Variants in PKD2 observed in about 807,000 individuals in gnomAD.
PKD2 encodes the protein polycystin 2, transient receptor potential cation channel, also known as polycystin-2.
A neutral mutation model predicts 105.9 loss-of-function variants in PKD2; 48 were observed. The observed-to-expected ratio is 0.45, with a 90% CI of 0.36 to 0.58. The LOEUF (loss-of-function observed/expected upper bound fraction) is 0.58. PKD2 is among the 20% of genes least tolerant of loss of function. The pLI, the probability that PKD2 is intolerant of heterozygous loss-of-function variation, is 0.00. For missense variants in PKD2, 1,078 were observed against 1,255.3 expected (o/e 0.86, Z 2.13); for synonymous variants, 464 against 481.1 (o/e 0.96, Z 0.46).
intron 7 of PKD2, among the ~76,000 whole-genome samples, chr4:88,053,656 C>CAAAAAAAAAAAAAA (rs10717181): frequency 1.7e-5 from 2 of 117,782 alleles, no homozygotes; most frequent in African/African-American, 2.8e-5. Context: ...GACCCTGTCT[C>CAAAAAAAAAAAAAA]AAAAAAAAAA....
At chr4:88,024,587 T>G (rs991480966) in intron 2 of PKD2, among the ~76,000 whole-genome samples, 4 of 151,964 alleles carry the variant, frequency 2.6e-5, no homozygotes, top group African/African-American at 9.7e-5. Context: ...CCTTTTTCTG[T>G]GCTCTCATTC....
Position 88,065,589 on chromosome 4 carries a change from G to A in PKD2, c.2240+94G>A, listed in dbSNP as rs1720761333. On this transcript the variant is annotated intron_variant, in intron 11 of 14. Coordinates refer to ENST00000237596, the MANE Select transcript of PKD2 (RefSeq NM_000297.4). ...TATTTCTAGCCCAAGGGCTCATACA[G>A]ATACTTTTTTTTTTTTTTTCCAGAG... The A allele has an allele frequency of 2.3e-6, 3 of 1,288,626 alleles. No individual in the cohort carries two copies. In the East Asian group the frequency reaches 7.0e-5, roughly 30 times the overall value. 79.8% of individuals were successfully genotyped at this position (1,288,626 alleles called of 1,614,324 possible). A position where few individuals can be genotyped will look rare whatever the true frequency, so the allele number is the denominator to read the frequency against.
intron 9 of PKD2, among the ~76,000 whole-genome samples, chr4:88,060,583 A>G (rs1012171285): frequency 6.6e-6 from 1 of 152,112 alleles, no homozygotes; most frequent in Non-Finnish European, 1.5e-5. Flanking sequence ...AAGATTCCTC[A>G]GACTTGTGGG....
intron 1 of PKD2, among the ~76,000 whole-genome samples, chr4:88,010,094 AT>A (rs34009054): frequency 0.033 from 4,660 of 142,998 alleles, 70 homozygotes; most frequent in South Asian, 0.049. Flanking sequence ...GGAATCGGGA[AT>A]TTTTTTTTTT....
intron 13 of PKD2, among the ~76,000 whole-genome samples, chr4:88,070,597 T>TAGAGAGAGAG (rs1359028384): frequency 1.6e-3 from 159 of 99,080 alleles, no homozygotes; most frequent in Non-Finnish European, 2.2e-3. Flanking sequence ...TATATATATA[T>TAGAGAGAGAG]ATATAGAGAG....
intron 13 of PKD2, among the ~76,000 whole-genome samples, chr4:88,074,233 C>G (rs1020313597): frequency 6.6e-6 from 1 of 152,156 alleles, no homozygotes; most frequent in Non-Finnish European, 1.5e-5. Flanking sequence ...ACTGCAGCCT[C>G]AACATCCCAA....
chr4:88,063,285 A>G (rs1479893311), intron 10 of PKD2, among the ~76,000 whole-genome samples: 1 of 152,248 alleles, frequency 6.6e-6, no homozygotes, highest in Non-Finnish European at 1.5e-5. Flanking sequence ...TGGCTCACGC[A>G]TGTTGGGAGG....
Position 88,077,169 on chromosome 4 carries a change from A to G in PKD2, c.*1475A>G, listed in dbSNP as rs1252325471. ...CAAGAGAATCCTGTCGTTTAATGCT[A>G]TATTTTAATTTCACAAGTTGTTCAT... On this transcript the variant is annotated 3_prime_UTR_variant, in exon 15 of 15. Coordinates refer to ENST00000237596, the MANE Select transcript of PKD2 (RefSeq NM_000297.4). The G allele has an allele frequency of 6.6e-6, 1 of 152,646 alleles. No homozygotes were observed. Among genetic ancestry groups the G allele is most frequent in the Non-Finnish European group, 1.5e-5 (1 of 68,030 alleles). 9.5% of individuals were successfully genotyped at this position (152,646 alleles called of 1,614,324 possible). A position where few individuals can be genotyped will look rare whatever the true frequency, so the allele number is the denominator to read the frequency against.
In PKD2 at chr4:88,049,766, A is replaced by G. The variant is rs138068341; in HGVS notation, c.1549-2225A>G. 3.8e-3 allele frequency among the ~76,000 whole-genome samples: 571 copies of G among 152,216 alleles called. 3 individuals are homozygous for G. The highest frequency in any genetic ancestry group is 0.013 in the African/African-American group (551 of 41,552). ...ATATTCTTAATATAAATACAATCAC[A>G]TCTTGAAATCACTTTGAAATTTTCT... On this transcript the variant is annotated intron_variant, in intron 6 of 14. Transcript: ENST00000237596.
chr4:88,053,721 C>T (rs1219535072), intron 7 of PKD2, among the ~76,000 whole-genome samples: 2 of 151,520 alleles, frequency 1.3e-5, no homozygotes, highest in Admixed American at 1.3e-4. Flanking sequence ...TATTGACATG[C>T]TTGTTCAAGA....
chr4:88,059,692 G>C (rs1442135242), intron 9 of PKD2, among the ~76,000 whole-genome samples: 1 of 152,022 alleles, frequency 6.6e-6, no homozygotes. Flanking sequence ...GCACAAAAAA[G>C]AATTGCTCTC....
intron 11 of PKD2, 98 bp downstream of exon 11, chr4:88,065,593 C>A: frequency 1.9e-6 from 2 of 1,072,408 alleles, no homozygotes; most frequent in African/African-American, 1.6e-5. Context: ...CATACAGATA[C>A]TTTTTTTTTT....
At chr4:88,065,206 T>C (rs138328085) in intron 10 of PKD2, among the ~76,000 whole-genome samples, 168 bp from the exon 11 acceptor site, 143 of 152,338 alleles carry the variant, frequency 9.4e-4, no homozygotes, top group African/African-American at 3.3e-3. Flanking sequence ...GTTCCACAAG[T>C]GTTTTATGGA....
Position 88,058,042 on chromosome 4 carries a change from A to G in PKD2, c.1958A>G (p.Asn653Ser), listed in dbSNP as rs1469775511. 6.4e-7 allele frequency: 1 copy of G among 1,568,620 alleles called. No individual in the cohort carries two copies. The highest frequency in any genetic ancestry group is 1.7e-5 in the Admixed American group (1 of 59,970). The part of the protein sequence containing the change: ...DINFAEIEEA[N>S]RVLGPIYFTT... Reference sequence around the variant, plus strand: ...AACTTTGCAGAGATTGAGGAAGCTAATCGAGTTTTGGGACCAATTTATTTC... The same window carrying G: ...AACTTTGCAGAGATTGAGGAAGCTAGTCGAGTTTTGGGACCAATTTATTTC... Residue 653 changes from asparagine to serine, a missense_variant, in exon 9 of 15, where the codon AAT (asparagine) becomes AGT (serine). This residue lies in a region of PKD2 where 868 missense variants were observed against 1,067.3 expected (regional missense o/e 0.81). Transcript: ENST00000237596.
intron 1 of PKD2, among the ~76,000 whole-genome samples, chr4:88,009,482 A>G (rs1578112544): frequency 7.8e-6 from 1 of 128,126 alleles, no homozygotes; most frequent in East Asian, 2.3e-4. Flanking sequence ...CTGATACCCA[A>G]TTTTTGGATT....
At chr4:88,039,971 G>T (rs1403899618) in intron 4 of PKD2, among the ~76,000 whole-genome samples, 1 of 152,066 alleles carries the variant, frequency 6.6e-6, no homozygotes, top group African/African-American at 2.4e-5. Flanking sequence ...TTCATCTGTG[G>T]TACCCTTTCC....
At chr4:88,067,663 C>G (rs1720845361) in intron 12 of PKD2, among the ~76,000 whole-genome samples, 1 of 152,144 alleles carries the variant, frequency 6.6e-6, no homozygotes, top group Admixed American at 6.5e-5. Context: ...TTTTTCTTTG[C>G]CTGCTGTGTT....
chr4:88,047,012 C>G, intron 6 of PKD2, 142 bp downstream of exon 6: 1 of 697,736 alleles, frequency 1.4e-6, no homozygotes, highest in Non-Finnish European at 2.6e-6. Context: ...ACTTCTGTTA[C>G]TAATTATTTT....
intron 2 of PKD2, among the ~76,000 whole-genome samples, chr4:88,024,822 T>G (rs1334153841): frequency 1.3e-5 from 2 of 152,102 alleles, no homozygotes; most frequent in Non-Finnish European, 2.9e-5. Flanking sequence ...GCAGTAGACT[T>G]CCATAAATAT....
Sources: allele counts gnomAD v4.1 joint callset (sites outside exome capture counted in the v4.1 genomes callset), GRCh38; gene constraint gnomAD v4.1.1; regional missense constraint gnomAD v4.1.1; transcripts MANE v1.5; gene names NCBI Gene and HGNC (gene_info 2026-07-23, HGNC 2026-07-21).